Variants in NUDT1 observed in about 807,000 individuals in gnomAD.
NUDT1 encodes the protein oxidized purine nucleoside triphosphate hydrolase.
Under a neutral mutation model 11.3 loss-of-function variants are expected in NUDT1, and 16 were observed. The observed-to-expected ratio is 1.41, with a 90% CI of 0.96 to 2.15. The LOEUF is 2.15. NUDT1 is among the 30% of genes most tolerant of loss of function. NUDT1 has a pLI of 0.00. For synonymous variants in NUDT1, 101 were observed against 84.4 expected (o/e 1.20, Z -1.08); for missense variants, 234 against 208.4 (o/e 1.12, Z -0.76).
chr7:2,249,501 G>A (rs1189555820), intron 2 of NUDT1: 6 of 374,526 alleles, frequency 1.6e-5, no homozygotes, highest in Non-Finnish European at 2.6e-5. Flanking sequence ...ACCCTGCCAC[G>A]TGCGGGTCTC....
At chr7:2,250,793 T>C in intron 3 of NUDT1, 36 bp from the exon 4 acceptor site, 1 of 1,613,512 alleles carries the variant, frequency 6.2e-7, no homozygotes, top group Non-Finnish European at 8.5e-7. Flanking sequence ...AAGTTTGGGT[T>C]GCACCTCAGT....
At position 2,251,066 on chromosome 7, in the gene NUDT1, C is replaced by G. The variant is rs1584650977; in HGVS notation, c.*65C>G. 1.2e-5 allele frequency: 19 copies of G among 1,544,326 alleles called. No homozygotes were observed. The South Asian group carries it at 2.1e-4, about 17-fold the overall frequency. ...CTGAACAGCCGCAAACCATCTTCAC[C>G]TGGGGGCATTGAGTGGCGCAGAGCC... On this transcript the variant is annotated 3_prime_UTR_variant, in exon 4 of 4. Coordinates refer to ENST00000356714, the MANE Select transcript of NUDT1 (RefSeq NM_002452.4).
chr7:2,247,166 G>T (rs1395775562), intron 2 of NUDT1, among the ~76,000 whole-genome samples: 2 of 152,218 alleles, frequency 1.3e-5, no homozygotes, highest in Non-Finnish European at 2.9e-5. Flanking sequence ...GGCCCGTGCT[G>T]CTCAGGAGCG....
intron 2 of NUDT1, 181 bp from the exon 3 acceptor site, chr7:2,249,676 T>C: frequency 1.4e-6 from 1 of 710,088 alleles, no homozygotes; most frequent in Non-Finnish European, 2.4e-6. Context: ...TTCAAGTTGA[T>C]TCTGAAGCTC....
intron 2 of NUDT1, 163 bp from the exon 3 acceptor site, chr7:2,249,694 T>G: frequency 1.2e-6 from 1 of 802,404 alleles, no homozygotes; most frequent in South Asian, 1.6e-5. Context: ...CTCAGCCAGG[T>G]CGGGACCAGA....
intron 3 of NUDT1, among the ~76,000 whole-genome samples, chr7:2,250,511 G>A (rs1794954351): frequency 6.6e-6 from 1 of 152,234 alleles, no homozygotes; most frequent in South Asian, 2.1e-4. Flanking sequence ...AGGCTGGAGG[G>A]CAATGGCGCA....
At chr7:2,242,358 G>C (rs35675198) in intron 1 of NUDT1, 102 bp downstream of exon 1, 18,907 of 557,188 alleles carry the variant, frequency 0.034, 438 homozygotes, top group South Asian at 0.053. Context: ...CATGGGCTTG[G>C]GGGAGAGCGG....
intron 1 of NUDT1, among the ~76,000 whole-genome samples, chr7:2,243,483 T>C (rs967136223): frequency 1.3e-5 from 2 of 152,164 alleles, no homozygotes; most frequent in East Asian, 3.9e-4. Flanking sequence ...CCCAGAAAAG[T>C]TGGTCCTGGC....
In NUDT1 at chr7:2,244,726, G is replaced by A; in HGVS notation, c.152G>A (p.Arg51Lys). ...GAGACCATCGAGGATGGGGCTAGGA[G>A]GTAAGGATGGGGCAGGTCTGGCCAT... Reference protein sequence around the residue: ...EGETIEDGARRELQEESGLTV... With the variant: ...EGETIEDGARKELQEESGLTV... Residue 51 changes from arginine to lysine, a missense_variant and splice_region_variant, in exon 2 of 4, where the codon AGG becomes AAG. Transcript: ENST00000356714. The A allele has an allele frequency of 6.2e-7, 1 of 1,607,510 alleles. No individual in the cohort carries two copies. The highest frequency in any genetic ancestry group is 8.5e-7 in the Non-Finnish European group (1 of 1,177,630).
intron 2 of NUDT1, among the ~76,000 whole-genome samples, chr7:2,245,968 C>T (rs1794751598): frequency 6.6e-6 from 1 of 152,188 alleles, no homozygotes; most frequent in African/African-American, 2.4e-5. Context: ...CACACGGACA[C>T]GTTCGATCAG....
chr7:2,242,301 G>T, intron 1 of NUDT1, 45 bp downstream of exon 1: 1 of 884,950 alleles, frequency 1.1e-6, no homozygotes, highest in South Asian at 1.8e-5. Context: ...TGGTGACCAG[G>T]GAGGGGAGCC....
intron 1 of NUDT1, chr7:2,244,362 G>C (rs1223581768): frequency 1.5e-5 from 8 of 537,454 alleles, no homozygotes; most frequent in East Asian, 3.1e-5. Context: ...ACTGGGTTCT[G>C]TTTCTACCCC....
intron 3 of NUDT1, 50 bp downstream of exon 3, chr7:2,250,052 C>T (rs1794924791): frequency 2.5e-6 from 4 of 1,603,558 alleles, no homozygotes; most frequent in Admixed American, 3.3e-5. Context: ...GGTCCCATCT[C>T]CTGGCTGGGA....
At chr7:2,248,591 G>T (rs1197376860) in intron 2 of NUDT1, among the ~76,000 whole-genome samples, 1 of 139,758 alleles carries the variant, frequency 7.2e-6, no homozygotes, top group Non-Finnish European at 1.5e-5. Flanking sequence ...TAGCTCGGTT[G>T]CCCAGGCTGG....
At chr7:2,247,238 G>GC (rs1794803371) in intron 2 of NUDT1, among the ~76,000 whole-genome samples, 1 of 152,122 alleles carries the variant, frequency 6.6e-6, no homozygotes, top group Non-Finnish European at 1.5e-5. Context: ...CTTTATCCAC[G>GC]CAATACCCAG....
At chr7:2,242,742 C>A (rs1434508168) in intron 1 of NUDT1, 2 of 473,198 alleles carry the variant, frequency 4.2e-6, no homozygotes, top group African/African-American at 3.9e-5. Context: ...AACATACAGA[C>A]AGGCAGGCTG....
At chr7:2,243,713 C>T (rs1035417124) in intron 1 of NUDT1, among the ~76,000 whole-genome samples, 3 of 152,212 alleles carry the variant, frequency 2.0e-5, no homozygotes, top group African/African-American at 7.2e-5. Flanking sequence ...GCGGAGGTTA[C>T]AGTGAACCGC....
rs543726779 is a variant in NUDT1, at chr7:2,250,017, G to A, written c.298+15G>A. The A allele has an allele frequency of 1.2e-5, 19 of 1,613,404 alleles. No homozygotes were observed. The highest frequency in any genetic ancestry group is 1.6e-5 in the Non-Finnish European group (19 of 1,179,844). The stretch of plus-strand genomic sequence containing the variant: ...GGAGAGCGACGGTGAGTCTCACAGG[G>A]CCTGCTCCCCCTCCCCACTATGCGG... On this transcript the variant is annotated intron_variant, in intron 3 of 3. Transcript: ENST00000356714.
intron 2 of NUDT1, chr7:2,249,574 C>A (rs762398965): frequency 3.4e-4 from 167 of 491,058 alleles, no homozygotes; most frequent in Non-Finnish European, 3.9e-4. Context: ...ACAGAGGGCA[C>A]TGGGCTAGAA....
Sources: allele counts gnomAD v4.1 joint callset (sites outside exome capture counted in the v4.1 genomes callset), GRCh38; gene constraint gnomAD v4.1.1; transcripts MANE v1.5; gene names NCBI Gene and HGNC (gene_info 2026-07-23, HGNC 2026-07-21).